LRP2: variants seen among roughly 807,000 people sequenced by gnomAD.
LRP2 encodes the protein low-density lipoprotein receptor-related protein 2.
A neutral mutation model predicts 531.0 loss-of-function variants in LRP2; 172 were observed. The observed-to-expected ratio is 0.32, with a 90% confidence interval of 0.29 to 0.37. LRP2 has a LOEUF of 0.37. LRP2 is among the 10% of genes least tolerant of loss of function. The pLI is 1.00. For missense variants in LRP2, 5,167 were observed against 5,868.3 expected (o/e 0.88, Z 3.90); for synonymous variants, 1,992 against 2,027.6 (o/e 0.98, Z 0.47).
Position 169,141,423 on chromosome 2 carries a change from G to C in LRP2, c.13109-878C>G, listed in dbSNP as rs148114860. On this transcript the variant is annotated intron_variant, in intron 71 of 78. Coordinates refer to ENST00000649046, the MANE Select transcript of LRP2 (RefSeq NM_004525.3). ...TAGAATGTAAACTCAATACACACAG[G>C]GGGTTTTGTCTGTTTTGTTCACCTC... 7.0e-3 allele frequency among the ~76,000 whole-genome samples: 1,061 copies of C among 152,132 alleles called. 8 individuals carry two copies. The highest frequency in any genetic ancestry group is 0.024 in the African/African-American group (998 of 41,476).
chr2:169,229,506 G>T (rs1360662357), intron 31 of LRP2, among the ~76,000 whole-genome samples: 1 of 152,184 alleles, frequency 6.6e-6, no homozygotes, highest in Non-Finnish European at 1.5e-5. Flanking sequence ...CCCTGAGACC[G>T]AGTCAGAAGT....
intron 1 of LRP2, among the ~76,000 whole-genome samples, chr2:169,339,571 A>T (rs897175366): frequency 3.9e-5 from 6 of 152,348 alleles, no homozygotes; most frequent in East Asian, 1.9e-4. Context: ...AGTAATAATT[A>T]AAAAATACAT....
At chr2:169,310,017 C>T (rs1287617250) in intron 3 of LRP2, among the ~76,000 whole-genome samples, 1 of 152,084 alleles carries the variant, frequency 6.6e-6, no homozygotes, top group Non-Finnish European at 1.5e-5. Flanking sequence ...TGATTTGGCT[C>T]TCTGTTTGTC....
In LRP2 at chr2:169,225,399, T is replaced by C. The variant is rs1271087471; in HGVS notation, c.5449A>G (p.Ile1817Val). The change falls in exon 33 of 79, where the codon ATA (isoleucine) becomes GTA (valine). Residue 1817 changes from isoleucine (I) to valine (V), a missense_variant. By Grantham distance (29) the Ile-to-Val change is conservative. Coordinates refer to ENST00000649046, the MANE Select transcript of LRP2 (RefSeq NM_004525.3). ...DGTNRTVFAS[I>V]SMVGPSMNLA... ...TTCATAGAAGGCCCCACCATAGATA[T>C]AGAAGCAAATACTGTCCTGTTGGTG... 7 of 1,613,914 alleles carry C rather than the reference T, an allele frequency of 4.3e-6. No homozygotes were observed. The highest frequency in any genetic ancestry group is 2.2e-5 in the East Asian group (1 of 44,878).
At chr2:169,170,927 T>G (rs887441356) in intron 58 of LRP2, among the ~76,000 whole-genome samples, 22 of 145,478 alleles carry the variant, frequency 1.5e-4, no homozygotes, top group Non-Finnish European at 3.0e-4. Context: ...CTCTGTTTTT[T>G]TTTTTTTTTT....
chr2:169,130,977 C>A (rs1685265666), intron 77 of LRP2, among the ~76,000 whole-genome samples: 1 of 152,144 alleles, frequency 6.6e-6, no homozygotes, highest in Non-Finnish European at 1.5e-5. Flanking sequence ...CTTCCTGCAC[C>A]AGCTGGGGAA....
chr2:169,299,292 G>A (rs933060311), intron 4 of LRP2, among the ~76,000 whole-genome samples: 2 of 151,914 alleles, frequency 1.3e-5, no homozygotes, highest in Non-Finnish European at 2.9e-5. Context: ...GGAAGCCAAA[G>A]GAAAAAGAGA....
chr2:169,214,561 TG>T (rs1280076178), intron 35 of LRP2, among the ~76,000 whole-genome samples: 2 of 152,090 alleles, frequency 1.3e-5, no homozygotes, highest in East Asian at 3.9e-4. Flanking sequence ...GTGGCTTTAC[TG>T]CCATGGCTGA....
chr2:169,256,719 T>C (rs1228124614), intron 18 of LRP2, among the ~76,000 whole-genome samples: 2 of 152,080 alleles, frequency 1.3e-5, no homozygotes, highest in African/African-American at 4.8e-5. Context: ...CAAAGGTGCA[T>C]TTGTTGATTA....
intron 58 of LRP2, 83 bp downstream of exon 58, chr2:169,171,932 G>A: frequency 6.5e-7 from 1 of 1,543,676 alleles, no homozygotes; most frequent in East Asian, 2.3e-5. Context: ...GAGGATCAAT[G>A]ACATAGACAG....
chr2:169,164,513 T>G (rs1686711728), intron 62 of LRP2, among the ~76,000 whole-genome samples: 1 of 152,240 alleles, frequency 6.6e-6, no homozygotes, highest in Non-Finnish European at 1.5e-5. Flanking sequence ...CGTGACTGGT[T>G]CTGACCAATG....
At position 169,213,537 on chromosome 2, in the gene LRP2, C is replaced by T. The variant is rs116602311; in HGVS notation, c.6040+120G>A. 3.9e-3 allele frequency: 3,445 copies of T among 872,650 alleles called. 59 individuals are homozygous for T. The African/African-American group carries it at 0.045, about 11-fold the overall frequency. 54.1% of individuals were successfully genotyped at this position (872,650 alleles called of 1,614,324 possible). ...ATCATTTTTTAAATATTTCAGGTAA[C>T]TTCAATTTGTATGCACGTGTATGTA... is the stretch of plus-strand genomic sequence containing the variant. On this transcript the variant is annotated intron_variant, in intron 36 of 78. Transcript: ENST00000649046.
intron 16 of LRP2, among the ~76,000 whole-genome samples, chr2:169,270,505 G>T (rs1181708213): frequency 4.0e-5 from 6 of 150,742 alleles, no homozygotes; most frequent in Non-Finnish European, 8.8e-5. Context: ...CTATTGCAAG[G>T]ACAGAAAACC....
Position 169,156,380 on chromosome 2 carries a change from C to T in LRP2, c.12045G>A (p.Gly4015=), listed in dbSNP as rs761585706. ...TATTTCTGCAGTGCTGGGGACAAGT[C>T]CCAAATTGTTCACATTCATTGATAT... The part of the protein sequence containing the change: ...CLDINECEQF[G]TCPQHCRNTK... Residue 4015 remains glycine (G), a synonymous_variant, in exon 65 of 79, where the codon GGG becomes GGA. Coordinates refer to ENST00000649046, the MANE Select transcript of LRP2 (RefSeq NM_004525.3). 5 of 1,613,570 alleles carry T rather than the reference C, an allele frequency of 3.1e-6. No individual in the cohort carries two copies. The highest frequency in any genetic ancestry group is 4.2e-6 in the Non-Finnish European group (5 of 1,179,618).
At chr2:169,342,331 C>T (rs867743187) in intron 1 of LRP2, among the ~76,000 whole-genome samples, 15 of 151,894 alleles carry the variant, frequency 9.9e-5, no homozygotes, top group African/African-American at 3.4e-4. Context: ...AAAACGGCAA[C>T]AAATAAAAGC....
In LRP2 at chr2:169,137,360, TAACTGAAAGAAAAG is replaced by T; in HGVS notation, c.13620+18_13620+31del. 1 of 1,392,880 alleles carries T rather than the reference TAACTGAAAGAAAAG, an allele frequency of 7.2e-7. No individual in the cohort carries two copies. Among genetic ancestry groups the T allele is most frequent in the East Asian group, 2.3e-5 (1 of 43,846 alleles). The allele number at this position is 1,392,880 out of a possible 1,614,324, so 86.3% of individuals were successfully genotyped here. ...ATAGATTAAGATCCAGCGACAGCAG[TAACTGAAAGAAAAG>T]ACTGTATGGTTTCTCACCTGGATTG... On this transcript the variant is annotated intron_variant, in intron 76 of 78. Transcript: ENST00000649046.
intron 15 of LRP2, among the ~76,000 whole-genome samples, chr2:169,272,473 G>C (rs1245855611): frequency 1.3e-5 from 2 of 152,104 alleles, no homozygotes; most frequent in Non-Finnish European, 2.9e-5. Flanking sequence ...GTGATTACCT[G>C]GTTGAAAGGG....
At position 169,247,647 on chromosome 2, in the gene LRP2, G is replaced by C. The variant is rs1259508434; in HGVS notation, c.2771-132C>G. On this transcript the variant is annotated intron_variant, in intron 19 of 78. Coordinates refer to ENST00000649046, the MANE Select transcript of LRP2 (RefSeq NM_004525.3). ...TCTCCCCCATAAATATCTGTAATAT[G>C]TTTCTCTAACCATTTTCCACGACTT... 79 of 975,666 alleles carry C rather than the reference G, an allele frequency of 8.1e-5. No individual in the cohort carries two copies. The East Asian group carries it at 2.0e-3, about 25-fold the overall frequency. The allele number at this position is 975,666 out of a possible 1,614,324, so 60.4% of individuals were successfully genotyped here. A position where few individuals can be genotyped will look rare whatever the true frequency, so the allele number is the denominator to read the frequency against.
At chr2:169,154,926 A>G (rs1686278184) in intron 65 of LRP2, among the ~76,000 whole-genome samples, 1 of 152,172 alleles carries the variant, frequency 6.6e-6, no homozygotes, top group Non-Finnish European at 1.5e-5. Context: ...AATTGTTTTT[A>G]TTTACTGACA....
Sources: allele counts gnomAD v4.1 joint callset (sites outside exome capture counted in the v4.1 genomes callset), GRCh38; gene constraint gnomAD v4.1.1; transcripts MANE v1.5; gene names NCBI Gene and HGNC (gene_info 2026-07-23, HGNC 2026-07-21).